Variants in SOX5 observed in about 807,000 individuals in gnomAD.
SOX5 encodes SRY-box transcription factor 5.
A neutral mutation model predicts 92.0 loss-of-function variants in SOX5; 9 were observed. The ratio of observed to expected loss-of-function variants is 0.10; its 90% CI spans 0.06 to 0.17. The LOEUF (loss-of-function observed/expected upper bound fraction) is 0.17, where lower values mean the gene tolerates loss of function less well. Ranked by LOEUF, SOX5 falls within the 10% of genes least tolerant of loss-of-function variation. The pLI, the probability that SOX5 is intolerant of heterozygous loss-of-function variation, is 1.00. For synonymous variants in SOX5, 344 were observed against 336.3 expected, an observed-to-expected ratio of 1.02 and a Z score of -0.25; for missense variants, 642 against 944.5, an observed-to-expected ratio of 0.68 and a Z score of 4.20.
At chr12:23,964,196 A>T (rs1018232209) in intron 4 of SOX5, among the ~76,000 whole-genome samples, 4 of 152,016 alleles carry the variant, frequency 2.6e-5, no homozygotes, top group East Asian at 3.9e-4. Context: ...TTGGGAAATT[A>T]AAAAAAATTA....
intron 5 of SOX5, among the ~76,000 whole-genome samples, chr12:23,737,157 C>T (rs188142646): frequency 2.2e-4 from 33 of 152,270 alleles, no homozygotes; most frequent in African/African-American, 7.0e-4. Flanking sequence ...CCACTTCAAC[C>T]TCCCACGTAC....
chr12:23,988,776 T>G (rs377359835), intron 4 of SOX5, among the ~76,000 whole-genome samples: 6 of 152,114 alleles, frequency 3.9e-5, no homozygotes, highest in African/African-American at 1.4e-4. Flanking sequence ...TAAGTGAAGT[T>G]AGAGGGACTG....
intron 1 of SOX5, among the ~76,000 whole-genome samples, chr12:24,453,173 A>G (rs1207585110): frequency 6.6e-6 from 1 of 152,218 alleles, no homozygotes; most frequent in Non-Finnish European, 1.5e-5. Context: ...CTGGTGGACA[A>G]CCACATTTCA....
chr12:23,682,994 A>C (rs1239275159), intron 6 of SOX5, among the ~76,000 whole-genome samples: 2 of 151,886 alleles, frequency 1.3e-5, no homozygotes, highest in Non-Finnish European at 3.0e-5. Context: ...TAAAGGCAAA[A>C]ATTATTGCAT....
chr12:24,057,254 C>G (rs1431948837), intron 4 of SOX5, among the ~76,000 whole-genome samples: 2 of 151,854 alleles, frequency 1.3e-5, no homozygotes, highest in Admixed American at 1.3e-4. Context: ...GATAAAAAAC[C>G]TATACTCAAA....
rs531007702 is a variant in SOX5 at position 24,310,020 on chromosome 12, G to A, written c.-173-32708C>T. Among the ~76,000 whole-genome samples, 11 of 152,168 alleles carry A rather than the reference G, an allele frequency of 7.2e-5. No homozygotes were observed. In the East Asian group the frequency reaches 1.2e-3, roughly 16 times the overall value. ...AGTCAAATATTATAAGGTAACTCTCGAACTTTTCAGCTTGGAGAGGTGGTA... is the reference window on the plus strand; with the variant it reads ...AGTCAAATATTATAAGGTAACTCTCAAACTTTTCAGCTTGGAGAGGTGGTA... On this transcript the variant is annotated intron_variant, in intron 2 of 4. Coordinates refer to the SOX5 transcript ENST00000446891.
At chr12:24,434,794 C>T (rs940535902) in intron 1 of SOX5, among the ~76,000 whole-genome samples, 8 of 152,170 alleles carry the variant, frequency 5.3e-5, no homozygotes, top group African/African-American at 1.2e-4. Context: ...TCCCCAAAGC[C>T]GAGCAGATGC....
intron 2 of SOX5, among the ~76,000 whole-genome samples, chr12:24,303,901 A>C: frequency 6.6e-6 from 1 of 152,196 alleles, no homozygotes; most frequent in African/African-American, 2.4e-5. Flanking sequence ...CAATTAACTT[A>C]TTCTTTTTTT....
chr12:23,906,345 C>T (rs1219895079), intron 1 of SOX5, among the ~76,000 whole-genome samples: 1 of 152,098 alleles, frequency 6.6e-6, no homozygotes, highest in African/African-American at 2.4e-5. Flanking sequence ...AAATAAAAAG[C>T]TTTTTCCATT....
intron 4 of SOX5, among the ~76,000 whole-genome samples, chr12:24,021,876 A>T (rs1318211587): frequency 6.6e-6 from 1 of 152,160 alleles, no homozygotes; most frequent in Non-Finnish European, 1.5e-5. Context: ...ACGTTTAGTC[A>T]TTTGGGGAAT....
chr12:24,461,511 T>C lies in SOX5; in HGVS notation c.-250-92872A>G, dbSNP rs78495922. Among the ~76,000 whole-genome samples, 1,156 of 152,330 alleles carry C rather than the reference T, an allele frequency of 7.6e-3. 16 individuals carry two copies. Among genetic ancestry groups the C allele is most frequent in the African/African-American group, 0.027 (1,125 of 41,574 alleles). On this transcript the variant is annotated intron_variant, in intron 1 of 4. Transcript: ENST00000446891. ...AGCAATACACACTAATGAATTAACTTCTTAGAAGAAATACCTGCTTTCTGA... is the reference window on the plus strand; with the variant it reads ...AGCAATACACACTAATGAATTAACTCCTTAGAAGAAATACCTGCTTTCTGA...
At chr12:24,391,935 C>G (rs1175175354) in intron 1 of SOX5, among the ~76,000 whole-genome samples, 1 of 152,146 alleles carries the variant, frequency 6.6e-6, no homozygotes. Context: ...AACAATAGGT[C>G]TTCAAAAACA....
intron 4 of SOX5, among the ~76,000 whole-genome samples, chr12:23,968,992 G>A (rs1947917175): frequency 6.6e-6 from 1 of 152,036 alleles, no homozygotes; most frequent in Admixed American, 6.6e-5. Flanking sequence ...TGTCTTACAG[G>A]CATATCAAAC....
intron 4 of SOX5, among the ~76,000 whole-genome samples, chr12:24,053,271 G>A (rs1957755303): frequency 2.0e-5 from 3 of 151,256 alleles, no homozygotes; most frequent in East Asian, 1.9e-4. Context: ...GGGATTACAG[G>A]GGCCCACCAC....
chr12:24,435,102 T>C (rs945935103), intron 1 of SOX5, among the ~76,000 whole-genome samples: 16 of 152,300 alleles, frequency 1.1e-4, no homozygotes, highest in South Asian at 4.1e-4. Context: ...AGGAAGGGCA[T>C]AGAGCCCAAA....
intron 9 of SOX5, among the ~76,000 whole-genome samples, chr12:23,589,680 T>C (rs1447358424): frequency 6.6e-6 from 1 of 151,918 alleles, no homozygotes; most frequent in Non-Finnish European, 1.5e-5. Flanking sequence ...TCACCTAGAC[T>C]GACAGGTTAA....
chr12:24,053,183 C>A lies in SOX5; in HGVS notation c.-1-157159G>T, dbSNP rs796877674. Among the ~76,000 whole-genome samples the A allele has an allele frequency of 1.9e-3, 246 of 126,270 alleles. 1 individual carries two copies. The highest frequency in any genetic ancestry group is 4.3e-3 in the African/African-American group (165 of 38,200). The allele number at this position is 126,270 out of a possible 152,430, so 82.8% of individuals were successfully genotyped here. On this transcript the variant is annotated intron_variant, in intron 4 of 4. Transcript: ENST00000446891. ...TGAAGCCAATGCTACTGCACGCCCC[C>A]CCCCTTTTTTTTTTTTGAGATGGAG...
chr12:24,094,478 T>C (rs1945082246), intron 4 of SOX5, among the ~76,000 whole-genome samples: 1 of 151,606 alleles, frequency 6.6e-6, no homozygotes, highest in Non-Finnish European at 1.5e-5. Flanking sequence ...TTTGTATTTA[T>C]TTAGAGGTGT....
At chr12:23,986,243 T>C (rs1200571977) in intron 4 of SOX5, among the ~76,000 whole-genome samples, 1 of 152,140 alleles carries the variant, frequency 6.6e-6, no homozygotes, top group Admixed American at 6.5e-5. Context: ...AACTGTAGCA[T>C]ATTTTTCCCA....
Sources: gnomAD v4.1 joint callset for allele counts (sites outside exome capture counted in the v4.1 genomes callset) on GRCh38, gnomAD v4.1.1 for gene constraint, MANE v1.5 for transcripts, NCBI Gene and HGNC (gene_info 2026-07-23, HGNC 2026-07-21) for gene names.